The following PCDHGB4 variants were observed in gnomAD, a reference collection of about 807,000 sequenced individuals.
PCDHGB4 encodes the protein protocadherin gamma subfamily B, 4, also known as protocadherin gamma-B4.
Under a neutral mutation model 60.5 loss-of-function variants are expected in PCDHGB4, and 38 were observed. That is an observed-to-expected ratio of 0.63 (90% CI 0.48 to 0.82). The LOEUF is 0.82. Ranked by LOEUF, PCDHGB4 falls within the 40% of genes least tolerant of loss-of-function variation. The pLI is 0.00. For missense variants in PCDHGB4, 1,109 were observed against 1,209.6 expected (o/e 0.92, Z 1.23); for synonymous variants, 456 against 509.7 (o/e 0.89, Z 1.42).
chr5:141,504,434 A>C (rs2099838201), intron 2 of PCDHGB4, among the ~76,000 whole-genome samples: 1 of 152,234 alleles, frequency 6.6e-6, no homozygotes, highest in South Asian at 2.1e-4. Flanking sequence ...CAACAGCTGC[A>C]GTGTGACTAG....
chr5:141,496,992 C>T (rs1055856428), intron 2 of PCDHGB4, among the ~76,000 whole-genome samples: 2 of 151,918 alleles, frequency 1.3e-5, no homozygotes, highest in African/African-American at 2.4e-5. Context: ...TTGAGACCAG[C>T]CTGGCAGCCA....
At position 141,388,159 on chromosome 5, in the gene PCDHGB4, G is replaced by A. The variant is rs1420782628; in HGVS notation, c.275G>A (p.Arg92Lys). Residue 92 changes from arginine to lysine, a missense_variant, in exon 1 of 4, where the codon AGG becomes AAG. Transcript: ENST00000519479. ...GELLVSSRLD[R>K]EEICGKKPAC... ...TTGCTTGTGAGCAGCAGGCTAGACA[G>A]GGAGGAGATATGCGGGAAGAAGCCA... 6.8e-7 allele frequency: 1 copy of A among 1,473,814 alleles called. No individual in the cohort carries two copies. The highest frequency in any genetic ancestry group is 1.4e-5 in the African/African-American group (1 of 70,832). The allele number at this position is 1,473,814 out of a possible 1,614,324, so 91.3% of individuals were successfully genotyped here. A position where few individuals can be genotyped will look rare whatever the true frequency, so the allele number is the denominator to read the frequency against.
rs1196254559 is a variant in PCDHGB4 at position 141,388,686 on chromosome 5, G to A, written c.802G>A (p.Asp268Asn). 5 of 1,613,980 alleles carry A rather than the reference G, an allele frequency of 3.1e-6. No homozygotes were observed. Among genetic ancestry groups the A allele is most frequent in the Non-Finnish European group, 4.2e-6 (5 of 1,179,884 alleles). The change falls in exon 1 of 4, where the codon GAC (aspartate) becomes AAC (asparagine). Residue 268 changes from aspartate (D) to asparagine (N), a missense_variant. Physicochemically the swap from Asp to Asn is conservative, Grantham distance 23 (BLOSUM62 1). Transcript: ENST00000519479. ...GTTVLQVTATDQDEGVNAEIT... is the reference protein window; with the variant it reads ...GTTVLQVTATNQDEGVNAEIT... ...CACGGTGCTACAGGTGACTGCCACG[G>A]ACCAGGATGAGGGTGTCAATGCCGA...
At chr5:141,451,154 TTTTTGGTAGTATA>T (rs2098709149) in intron 1 of PCDHGB4, among the ~76,000 whole-genome samples, 1 of 152,152 alleles carries the variant, frequency 6.6e-6, no homozygotes, top group Non-Finnish European at 1.5e-5. Flanking sequence ...ACTAGACATT[TTTTTGGTAGTATA>T]TTATTTAGCC....
chr5:141,419,869 G>A, intron 1 of PCDHGB4: 3 of 1,614,072 alleles, frequency 1.9e-6, no homozygotes, highest in South Asian at 1.1e-5. Flanking sequence ...GCTTGCAAGA[G>A]GTACTGCCGG....
intron 1 of PCDHGB4, chr5:141,403,857 C>T (rs1431988074): frequency 6.2e-7 from 1 of 1,613,412 alleles, no homozygotes; most frequent in South Asian, 1.1e-5. Flanking sequence ...GGGGAAATAT[C>T]AACAGCAAAA....
At chr5:141,405,018 T>C (rs1413977666) in intron 1 of PCDHGB4, 5 of 1,613,834 alleles carry the variant, frequency 3.1e-6, no homozygotes, top group African/African-American at 2.7e-5. Context: ...GCCTCAGACC[T>C]TACCCTCTAC....
rs775037681 is a variant in PCDHGB4 at position 141,388,812 on chromosome 5, G to T, written c.928G>T (p.Val310Phe). The change falls in exon 1 of 4, where the codon GTC (valine) becomes TTC (phenylalanine). Residue 310 changes from valine (V) to phenylalanine (F), a missense_variant. This residue lies in a region of PCDHGB4 where 1,068 missense variants were observed against 1,089.9 expected (regional missense o/e 0.98). Transcript: ENST00000519479. Reference protein sequence around the residue: ...TVLNTLDFEEVKEYSIVLEAR... With the variant: ...TVLNTLDFEEFKEYSIVLEAR... Reference sequence around the variant, plus strand: ...TTTAAATACATTAGATTTTGAAGAAGTCAAAGAATATTCCATAGTTTTGGA... The same window carrying T: ...TTTAAATACATTAGATTTTGAAGAATTCAAAGAATATTCCATAGTTTTGGA... 2.1e-5 allele frequency: 34 copies of T among 1,613,816 alleles called. No homozygotes were observed. Among genetic ancestry groups the T allele is most frequent in the Non-Finnish European group, 2.8e-5 (33 of 1,179,866 alleles).
chr5:141,498,807 C>G (rs113587634), intron 2 of PCDHGB4, among the ~76,000 whole-genome samples: 1 of 152,030 alleles, frequency 6.6e-6, no homozygotes, highest in Non-Finnish European at 1.5e-5. Flanking sequence ...GTGGTGCACA[C>G]CTGTAGTCCC....
chr5:141,394,298 G>A (rs763864270), intron 1 of PCDHGB4: 1 of 1,613,840 alleles, frequency 6.2e-7, no homozygotes, highest in African/African-American at 1.3e-5. Context: ...CCGAGGACAC[G>A]CTGCAGGGGG....
At chr5:141,505,260 C>T in intron 2 of PCDHGB4, 133 bp from the exon 3 acceptor site, 2 of 1,502,832 alleles carry the variant, frequency 1.3e-6, no homozygotes, top group South Asian at 1.3e-5. Context: ...TGCCTCCTAC[C>T]TTGCTGAGAG....
chr5:141,489,894 G>A lies in PCDHGB4; in HGVS notation c.2398-4913G>A, dbSNP rs942456058. 33 of 1,614,204 alleles carry A rather than the reference G, an allele frequency of 2.0e-5. No individual in the cohort carries two copies. The highest frequency in any genetic ancestry group is 2.4e-5 in the Non-Finnish European group (28 of 1,180,028). Reference sequence around the variant, plus strand: ...TGGTGCTTACTGCTGTGGATGGGGGGACCCCAGCCCGCTCAGGGACCACCC... The same window carrying A: ...TGGTGCTTACTGCTGTGGATGGGGGAACCCCAGCCCGCTCAGGGACCACCC... On this transcript the variant is annotated intron_variant, in intron 1 of 3. Coordinates refer to ENST00000519479, the MANE Select transcript of PCDHGB4 (RefSeq NM_003736.4). This position sits in a 1 kb window ranked among gnomAD's most constrained non-coding sequence, Gnocchi z 4.5.
chr5:141,472,564 A>G (rs1471933375), intron 1 of PCDHGB4, among the ~76,000 whole-genome samples: 6 of 152,050 alleles, frequency 3.9e-5, no homozygotes, highest in Admixed American at 2.6e-4. Context: ...TATATTATAA[A>G]TGCTGCATCT....
chr5:141,495,853 C>T (rs1254274145), intron 2 of PCDHGB4, among the ~76,000 whole-genome samples: 1 of 152,136 alleles, frequency 6.6e-6, no homozygotes, highest in African/African-American at 2.4e-5. Context: ...TTCTCTGTCT[C>T]TCACTATTTC....
chr5:141,415,761 T>TG (rs1485369884), intron 1 of PCDHGB4: 1 of 1,399,490 alleles, frequency 7.1e-7, no homozygotes, highest in Non-Finnish European at 9.3e-7. Flanking sequence ...TTTTTTTTTT[T>TG]TTTTTTTTTT....
intron 1 of PCDHGB4, chr5:141,404,765 T>A: frequency 6.2e-7 from 1 of 1,613,120 alleles, no homozygotes; most frequent in Non-Finnish European, 8.5e-7. Context: ...TGCTTGGCTC[T>A]CCTACCGCCT....
chr5:141,482,510 T>A (rs2099563292), intron 1 of PCDHGB4, among the ~76,000 whole-genome samples: 3 of 121,012 alleles, frequency 2.5e-5, no homozygotes, highest in African/African-American at 3.5e-5. Context: ...GTACCCAGAG[T>A]ACAGTATGAG....
chr5:141,415,648 A>G (rs1403877896), intron 1 of PCDHGB4: 1 of 1,598,772 alleles, frequency 6.3e-7, no homozygotes, highest in African/African-American at 1.4e-5. Flanking sequence ...TGTTAAAAAA[A>G]AAAAGATTGG....
rs751214480 is a variant in PCDHGB4, at chr5:141,485,161, G to A, written c.2398-9646G>A. ...CGTCTCAGGAGCAAGTAGAGAATTA[G>A]CGGGCGGCAGCAATGCTCCGCAAGG... On this transcript the variant is annotated intron_variant, in intron 1 of 3. Transcript: ENST00000519479. The surrounding 1 kb of genome is among the most constrained non-coding windows in gnomAD (Gnocchi z 5.7). The A allele has an allele frequency of 8.1e-6, 13 of 1,603,712 alleles. No individual in the cohort carries two copies. The Admixed American group carries it at 2.0e-4, about 25-fold the overall frequency.
Sources: gnomAD v4.1 joint callset for allele counts (sites outside exome capture counted in the v4.1 genomes callset) on GRCh38, gnomAD v4.1.1 for gene constraint, gnomAD v4.1.1 regional missense constraint, Gnocchi (gnomAD v3.1) non-coding constraint, MANE v1.5 for transcripts, NCBI Gene and HGNC (gene_info 2026-07-23, HGNC 2026-07-21) for gene names.